Variants in FOXP1 observed in about 807,000 individuals in gnomAD.
FOXP1 encodes forkhead box protein P1.
In FOXP1, 15 loss-of-function variants were observed where a neutral mutation model predicts 98.2. That is an observed-to-expected ratio of 0.15 (90% CI 0.10 to 0.24). FOXP1 has a LOEUF of 0.24. Ranked by LOEUF, FOXP1 falls within the 10% of genes least tolerant of loss-of-function variation. FOXP1 has a pLI of 1.00. For synonymous variants in FOXP1, 371 were observed against 314.5 expected (o/e 1.18, Z -1.90); for missense variants, 633 against 848.5 (o/e 0.75, Z 3.15).
chr3:71,462,837 T>G (rs1182630714), intron 3 of FOXP1, among the ~76,000 whole-genome samples: 3 of 152,246 alleles, frequency 2.0e-5, no homozygotes, highest in African/African-American at 7.2e-5. Flanking sequence ...TATATATTGC[T>G]GACTTGAGTT....
rs183396300 is a variant in FOXP1 at position 70,968,030 on chromosome 3, G to C, written c.1723-1974C>G. On this transcript the variant is annotated intron_variant, in intron 19 of 20. Transcript: ENST00000649528. ...AGAGAAGGCAACTTTCTTGGGATGAGTATTTATTCTCTTTGGCTCTCAAAG... is the reference window on the plus strand; with the variant it reads ...AGAGAAGGCAACTTTCTTGGGATGACTATTTATTCTCTTTGGCTCTCAAAG... Among the ~76,000 whole-genome samples the C allele has an allele frequency of 4.2e-3, 640 of 152,238 alleles. 5 individuals are homozygous for C. The highest frequency in any genetic ancestry group is 0.015 in the African/African-American group (606 of 41,530).
chr3:71,225,901 A>G (rs1463461868), intron 5 of FOXP1, among the ~76,000 whole-genome samples: 1 of 152,238 alleles, frequency 6.6e-6, no homozygotes, highest in African/African-American at 2.4e-5. Flanking sequence ...CGGGGGCCCA[A>G]GACGGACTGA....
intron 3 of FOXP1, among the ~76,000 whole-genome samples, chr3:71,370,746 A>C (rs1018092086): frequency 2.0e-5 from 3 of 150,080 alleles, no homozygotes; most frequent in Non-Finnish European, 4.4e-5. Flanking sequence ...AATCACCTGG[A>C]GGTCTTGTTA....
chr3:71,184,256 C>A (rs2062511842), intron 6 of FOXP1, among the ~76,000 whole-genome samples: 1 of 152,198 alleles, frequency 6.6e-6, no homozygotes, highest in Non-Finnish European at 1.5e-5. Flanking sequence ...AATTGTATCC[C>A]TGATTCAAAG....
intron 5 of FOXP1, among the ~76,000 whole-genome samples, chr3:71,247,029 A>G (rs572470667): frequency 6.6e-6 from 1 of 152,296 alleles, no homozygotes; most frequent in African/African-American, 2.4e-5. Flanking sequence ...CTCTCAGCAT[A>G]AGTGTTTTTA....
At chr3:71,154,386 G>A (rs1475778879) in intron 6 of FOXP1, among the ~76,000 whole-genome samples, 2 of 151,954 alleles carry the variant, frequency 1.3e-5, no homozygotes, top group African/African-American at 2.4e-5. Flanking sequence ...AATGTGCCTG[G>A]GAATCAACGT....
At chr3:71,336,615 C>T (rs2076700167) in intron 4 of FOXP1, among the ~76,000 whole-genome samples, 1 of 152,214 alleles carries the variant, frequency 6.6e-6, no homozygotes, top group African/African-American at 2.4e-5. Context: ...AACAGTACCA[C>T]TGGGTAACTA....
At chr3:71,552,860 T>C (rs1311694113) in intron 2 of FOXP1, among the ~76,000 whole-genome samples, 1 of 152,056 alleles carries the variant, frequency 6.6e-6, no homozygotes, top group African/African-American at 2.4e-5. Flanking sequence ...CCAACAATAA[T>C]ATAAGCAGAA....
chr3:70,972,683 C>T lies in FOXP1; in HGVS notation c.1531-7G>A, dbSNP rs987698993. Reference sequence around the variant, plus strand: ...GATTATGACGCACTGCATTCTGCAGCAAGTATAAAAGAGAGAACATTTACA... The same window carrying T: ...GATTATGACGCACTGCATTCTGCAGTAAGTATAAAAGAGAGAACATTTACA... On this transcript the variant is annotated splice_polypyrimidine_tract_variant and splice_region_variant and intron_variant, in intron 17 of 20. Transcript: ENST00000649528. 9 of 1,613,742 alleles carry T rather than the reference C, an allele frequency of 5.6e-6. No homozygotes were observed. Among genetic ancestry groups the T allele is most frequent in the Non-Finnish European group, 1.7e-6 (2 of 1,179,828 alleles).
intron 6 of FOXP1, among the ~76,000 whole-genome samples, chr3:71,143,826 C>CT (rs2060181905): frequency 6.6e-6 from 1 of 152,198 alleles, no homozygotes; most frequent in Non-Finnish European, 1.5e-5. Flanking sequence ...TTTACCACTG[C>CT]TATGAATAGG....
intron 3 of FOXP1, among the ~76,000 whole-genome samples, chr3:71,372,537 T>C (rs1292014232): frequency 1.3e-5 from 2 of 152,108 alleles, no homozygotes; most frequent in Non-Finnish European, 2.9e-5. Context: ...GGAGCTGTCA[T>C]AGAGTTTGCC....
intron 4 of FOXP1, among the ~76,000 whole-genome samples, chr3:71,342,335 C>G (rs941691453): frequency 6.6e-6 from 1 of 152,130 alleles, no homozygotes; most frequent in African/African-American, 2.4e-5. Flanking sequence ...TATTCCTAGT[C>G]AAATGATCTA....
chr3:71,147,288 G>A (rs552837904), intron 6 of FOXP1, among the ~76,000 whole-genome samples: 1 of 152,214 alleles, frequency 6.6e-6, no homozygotes, highest in Admixed American at 6.5e-5. Flanking sequence ...TTGTGCTCAG[G>A]ATCAAAGCCA....
At chr3:71,512,943 T>C (rs990446845) in intron 2 of FOXP1, among the ~76,000 whole-genome samples, 1 of 152,024 alleles carries the variant, frequency 6.6e-6, no homozygotes, top group Non-Finnish European at 1.5e-5. Flanking sequence ...CCCTCAAGAG[T>C]TAAACTGAGC....
At chr3:71,206,043 C>G (rs533845087) in intron 5 of FOXP1, among the ~76,000 whole-genome samples, 4 of 152,304 alleles carry the variant, frequency 2.6e-5, no homozygotes, top group African/African-American at 9.6e-5. Flanking sequence ...CCACTTTCCC[C>G]AGCTCCATTT....
intron 13 of FOXP1, among the ~76,000 whole-genome samples, chr3:70,988,689 T>C (rs1024756180): frequency 6.6e-6 from 1 of 152,232 alleles, no homozygotes; most frequent in Non-Finnish European, 1.5e-5. Context: ...AGTCTCCTTA[T>C]TCTATAAAAA....
chr3:71,130,846 T>C (rs977303682), intron 6 of FOXP1: 3 of 1,430,854 alleles, frequency 2.1e-6, no homozygotes, highest in African/African-American at 2.9e-5. Flanking sequence ...CATTTAGCAC[T>C]TAAAGAAATC....
At chr3:71,326,301 T>C (rs1337290622) in intron 4 of FOXP1, among the ~76,000 whole-genome samples, 2 of 151,808 alleles carry the variant, frequency 1.3e-5, no homozygotes, top group Non-Finnish European at 2.9e-5. Context: ...TTTGGAAGAG[T>C]TGTCCTGTAC....
At chr3:71,320,288 C>G (rs1310873022) in intron 4 of FOXP1, among the ~76,000 whole-genome samples, 1 of 151,986 alleles carries the variant, frequency 6.6e-6, no homozygotes, top group Non-Finnish European at 1.5e-5. Flanking sequence ...GGGGAAGCAT[C>G]TAGAGGTATT....
Sources: gnomAD v4.1 joint callset for allele counts (sites outside exome capture counted in the v4.1 genomes callset) on GRCh38, gnomAD v4.1.1 for gene constraint, MANE v1.5 for transcripts, NCBI Gene and HGNC (gene_info 2026-07-23, HGNC 2026-07-21) for gene names.